DLX5: variants seen among roughly 807,000 people sequenced by gnomAD.
The protein encoded by DLX5 is distal-less homeobox 5, also known as homeobox protein DLX-5.
DLX5 carries 8 observed loss-of-function variants against 27.1 expected under a neutral mutation model. The ratio of observed to expected loss-of-function variants is 0.30; its 90% CI spans 0.17 to 0.53. The LOEUF is 0.53. DLX5 is among the 20% of genes least tolerant of loss of function. The pLI is 0.95. For missense variants in DLX5, 339 were observed against 375.1 expected (o/e 0.90, Z 0.80); for synonymous variants, 178 against 161.9 (o/e 1.10, Z -0.75).
At chr7:97,023,337 GGT>G (rs10525881) in intron 1 of DLX5, among the ~76,000 whole-genome samples, 36,002 of 145,204 alleles carry the variant, frequency 0.25, 4,402 homozygotes, top group Middle Eastern at 0.27. Flanking sequence ...ACCTCTCCAG[GGT>G]GTGTGTGTGT....
At chr7:97,022,106 G>A in intron 2 of DLX5, 79 bp downstream of exon 2, 1 of 1,554,512 alleles carries the variant, frequency 6.4e-7, no homozygotes, top group South Asian at 1.1e-5. Context: ...AACAGCTCCA[G>A]TCCCATCGAG....
At chr7:97,022,795 C>A (rs915412427) in intron 1 of DLX5, among the ~76,000 whole-genome samples, 1 of 152,134 alleles carries the variant, frequency 6.6e-6, no homozygotes, top group Admixed American at 6.5e-5. Context: ...CTTCTGTCGG[C>A]GTCTGTTCGG....
At chr7:97,021,830 A>G in intron 2 of DLX5, 1 of 509,762 alleles carries the variant, frequency 2.0e-6, no homozygotes, top group African/African-American at 1.9e-5. Context: ...ACCCCCGAGG[A>G]GGCTCTACAT....
At position 97,020,814 on chromosome 7, in the gene DLX5, G is replaced by A; in HGVS notation, c.792C>T (p.Ala264=). 2 of 1,613,562 alleles carry A rather than the reference G, an allele frequency of 1.2e-6. No homozygotes were observed. The highest frequency in any genetic ancestry group is 1.7e-6 in the Non-Finnish European group (2 of 1,179,632). Residue 264 remains alanine (A), a synonymous_variant, in exon 3 of 3, where the codon GCC becomes GCT. Coordinates refer to ENST00000648378, the MANE Select transcript of DLX5 (RefSeq NM_005221.6). Reference sequence around the variant, plus strand: ...GCGGCAGGTGGGAATTGATTGAGCTGGCTGCACTTGTGTACCAGGATGCAG... The same window carrying A: ...GCGGCAGGTGGGAATTGATTGAGCTAGCTGCACTTGTGTACCAGGATGCAG... ...ENSASWYTSA[A]SSINSHLPPP... is the part of the protein sequence containing the mutation.
Position 97,022,673 on chromosome 7 carries a change from G to A in DLX5, c.356-304C>T, listed in dbSNP as rs9769385. 47,023 of 903,244 alleles carry A rather than the reference G, an allele frequency of 0.052. 1,406 individuals carry two copies. The highest frequency in any genetic ancestry group is 0.087 in the African/African-American group (4,830 of 55,656). The allele number at this position is 903,244 out of a possible 1,614,324, so 56.0% of individuals were successfully genotyped here. A position where few individuals can be genotyped will look rare whatever the true frequency, so the allele number is the denominator to read the frequency against. ...CTTGCGGTCGTTGCTTCTTCTCCCG[G>A]ACTTGTTTTTACGCCCACCCTGTGC... is the stretch of plus-strand genomic sequence containing the variant. On this transcript the variant is annotated intron_variant, in intron 1 of 2. Coordinates refer to ENST00000648378, the MANE Select transcript of DLX5 (RefSeq NM_005221.6).
chr7:97,023,341 T>G (rs991530737), intron 1 of DLX5, among the ~76,000 whole-genome samples: 1 of 55,644 alleles, frequency 1.8e-5, no homozygotes, highest in Non-Finnish European at 3.7e-5. Flanking sequence ...CTCCAGGGTG[T>G]GTGTGTGTGT....
intron 1 of DLX5, among the ~76,000 whole-genome samples, chr7:97,023,780 C>A (rs1790126953): frequency 6.6e-6 from 1 of 151,206 alleles, no homozygotes; most frequent in Non-Finnish European, 1.5e-5. Context: ...CACCCCCACC[C>A]AGCGTGCTCA....
chr7:97,024,178 A>G lies in DLX5; in HGVS notation c.355+91T>C. On this transcript the variant is annotated intron_variant, in intron 1 of 2. Coordinates refer to ENST00000648378, the MANE Select transcript of DLX5 (RefSeq NM_005221.6). This position sits in a 1 kb window ranked among gnomAD's most constrained non-coding sequence, Gnocchi z 4.6. ...TGCCGCGTGCGCCCCCACTGCCGTGAACCGCTGTGACCCCCAATCTACCAC... is the reference window on the plus strand; with the variant it reads ...TGCCGCGTGCGCCCCCACTGCCGTGGACCGCTGTGACCCCCAATCTACCAC... The G allele has an allele frequency of 1.6e-6, 2 of 1,276,830 alleles. No individual in the cohort carries two copies. Among genetic ancestry groups the G allele is most frequent in the South Asian group, 1.5e-5 (1 of 67,198 alleles). 79.1% of individuals were successfully genotyped at this position (1,276,830 alleles called of 1,614,324 possible). A position where few individuals can be genotyped will look rare whatever the true frequency, so the allele number is the denominator to read the frequency against.
At position 97,024,437 on chromosome 7, in the gene DLX5, A is replaced by G. The variant is rs140706964; in HGVS notation, c.187T>C (p.Ser63Pro). 2 of 1,614,104 alleles carry G rather than the reference A, an allele frequency of 1.2e-6. No homozygotes were observed. The highest frequency in any genetic ancestry group is 1.7e-6 in the Non-Finnish European group (2 of 1,180,054). Residue 63 changes from serine to proline, a missense_variant, in exon 1 of 3, where the codon TCG becomes CCG. By Grantham distance (74) the Ser-to-Pro change is moderately conservative (BLOSUM62 -1). Around this residue, in one of 3 missense-constraint regions of DLX5, gnomAD observed 188 missense variants for 206.1 expected, o/e 0.91. Transcript: ENST00000648378. This position sits in a 1 kb window ranked among gnomAD's most constrained non-coding sequence, Gnocchi z 4.6. ...TTGAGAGCTTTGCCATAGGAAGCCG[A>G]GGTAGGAGAGCAGTAGCCGTGCGGG... ...GAPHGYCSPT[S>P]ASYGKALNPY... is the part of the protein sequence containing the mutation.
Position 97,024,436 on chromosome 7 carries a change from G to A in DLX5, c.188C>T (p.Ser63Leu). The change falls in exon 1 of 3, where the codon TCG becomes TTG. Residue 63 changes from serine (S) to leucine (L), a missense_variant. Ser to Leu is a moderately radical substitution (Grantham distance 145, BLOSUM62 -2). Coordinates refer to ENST00000648378, the MANE Select transcript of DLX5 (RefSeq NM_005221.6). This position sits in a 1 kb window ranked among gnomAD's most constrained non-coding sequence, Gnocchi z 4.6. ...GTTGAGAGCTTTGCCATAGGAAGCC[G>A]AGGTAGGAGAGCAGTAGCCGTGCGG... is the stretch of plus-strand genomic sequence containing the variant. ...GAPHGYCSPT[S>L]ASYGKALNPY... The A allele has an allele frequency of 6.2e-7, 1 of 1,614,270 alleles. No homozygotes were observed. Among genetic ancestry groups the A allele is most frequent in the Admixed American group, 1.7e-5 (1 of 60,034 alleles).
chr7:97,022,481 C>T (rs537005933), intron 1 of DLX5, 112 bp from the exon 2 acceptor site: 20 of 1,528,488 alleles, frequency 1.3e-5, no homozygotes, highest in Middle Eastern at 1.8e-4. Context: ...TCATTCTTTG[C>T]CCATATCACC....
intron 1 of DLX5, among the ~76,000 whole-genome samples, chr7:97,023,337 G>GGGGTGT (rs1554342725): frequency 2.1e-5 from 3 of 145,404 alleles, no homozygotes; most frequent in African/African-American, 7.7e-5. Context: ...ACCTCTCCAG[G>GGGGTGT]GTGTGTGTGT....
chr7:97,020,797 T>G lies in DLX5; in HGVS notation c.809A>C (p.His270Pro), dbSNP rs752650484. The change falls in exon 3 of 3, where the codon CAC (histidine) becomes CCC (proline). Residue 270 changes from histidine to proline, a missense_variant. Physicochemically the swap from His to Pro is moderately conservative, Grantham distance 77. This residue lies in a region of DLX5 where 136 missense variants were observed against 130.3 expected (regional missense o/e 1.04). Transcript: ENST00000648378. ...YTSAASSINS[H>P]LPPPGSLQHP... ...CTGTAAGGAGCCCGGCGGCGGCAGGTGGGAATTGATTGAGCTGGCTGCACT... is the reference window on the plus strand; with the variant it reads ...CTGTAAGGAGCCCGGCGGCGGCAGGGGGGAATTGATTGAGCTGGCTGCACT... 6.2e-7 allele frequency: 1 copy of G among 1,607,778 alleles called. No homozygotes were observed. The highest frequency in any genetic ancestry group is 8.5e-7 in the Non-Finnish European group (1 of 1,175,708).
intron 2 of DLX5, among the ~76,000 whole-genome samples, chr7:97,021,402 G>C (rs906823855): frequency 1.3e-5 from 2 of 152,178 alleles, no homozygotes; most frequent in Non-Finnish European, 2.9e-5. Flanking sequence ...AGCCTGCGCA[G>C]GACGCGCGGA....
intron 1 of DLX5, 141 bp from the exon 2 acceptor site, chr7:97,022,510 G>T (rs918317906): frequency 1.1e-5 from 17 of 1,483,060 alleles, no homozygotes; most frequent in Non-Finnish European, 1.5e-5. Context: ...TGCTTTTCAG[G>T]ACCGCGATAA....
Position 97,024,212 on chromosome 7 carries a change from G to C in DLX5, c.355+57C>G. ...GACCCCCAATCTACCACCCCATCTC[G>C]CGCCCCCAGCGTCCTAGTCGCCCTG... On this transcript the variant is annotated intron_variant, in intron 1 of 2. Transcript: ENST00000648378. The surrounding 1 kb of genome is among the most constrained non-coding windows in gnomAD (Gnocchi z 4.6). 1 of 1,515,700 alleles carries C rather than the reference G, an allele frequency of 6.6e-7. No individual in the cohort carries two copies. Among genetic ancestry groups the C allele is most frequent in the Admixed American group, 2.0e-5 (1 of 50,482 alleles). The allele number at this position is 1,515,700 out of a possible 1,614,324, so 93.9% of individuals were successfully genotyped here. A position where few individuals can be genotyped will look rare whatever the true frequency, so the allele number is the denominator to read the frequency against.
chr7:97,023,358 G>A (rs1428514646), intron 1 of DLX5, among the ~76,000 whole-genome samples: 1 of 151,852 alleles, frequency 6.6e-6, no homozygotes, highest in Non-Finnish European at 1.5e-5. Flanking sequence ...GTGTGTGTGT[G>A]TGTGTGTGTG....
At position 97,024,049 on chromosome 7, in the gene DLX5, G is replaced by A. The variant is rs945038934; in HGVS notation, c.355+220C>T. ...AAGGGCCTTGGAAGGTGCCGGAGGG[G>A]AGAGACGCTAGTTCGAACCTCCACA... On this transcript the variant is annotated intron_variant, in intron 1 of 2. Coordinates refer to ENST00000648378, the MANE Select transcript of DLX5 (RefSeq NM_005221.6). This position sits in a 1 kb window ranked among gnomAD's most constrained non-coding sequence, Gnocchi z 4.6. 2.0e-5 allele frequency among the ~76,000 whole-genome samples: 3 copies of A among 152,294 alleles called. No individual in the cohort carries two copies. In the East Asian group the frequency reaches 5.8e-4, roughly 30 times the overall value.
At chr7:97,023,809 AGCTTGTGGCG>A (rs1416683279) in intron 1 of DLX5, among the ~76,000 whole-genome samples, 1 of 128,646 alleles carries the variant, frequency 7.8e-6, no homozygotes, top group Admixed American at 1.1e-4. Flanking sequence ...GCACCGTGCT[AGCTTGTGGCG>A]GCTCTCAAAC....
Sources: allele counts gnomAD v4.1 joint callset (sites outside exome capture counted in the v4.1 genomes callset), GRCh38; gene constraint gnomAD v4.1.1; regional missense constraint gnomAD v4.1.1; non-coding constraint Gnocchi (gnomAD v3.1); transcripts MANE v1.5; gene names NCBI Gene and HGNC (gene_info 2026-07-23, HGNC 2026-07-21).